Variants in COL24A1 observed in about 807,000 individuals in gnomAD.
COL24A1 encodes collagen alpha-1(XXIV) chain.
In COL24A1, 224 loss-of-function variants were observed where a neutral mutation model predicts 253.9. The observed-to-expected ratio is 0.88, with a 90% confidence interval of 0.79 to 0.99. The LOEUF is 0.99. COL24A1 is among the 50% of genes least tolerant of loss of function. COL24A1 has a pLI of 0.00. For synonymous variants in COL24A1, 685 were observed against 673.7 expected, an observed-to-expected ratio of 1.02 and a Z score of -0.26; for missense variants, 2,131 against 2,068.5, an observed-to-expected ratio of 1.03 and a Z score of -0.59.
chr1:85,825,521 C>T (rs939058394), intron 43 of COL24A1, among the ~76,000 whole-genome samples: 1 of 152,102 alleles, frequency 6.6e-6, no homozygotes, highest in Non-Finnish European at 1.5e-5. Flanking sequence ...AATGGTTGAA[C>T]TAGTTTACAG....
At chr1:85,969,446 A>G (rs1324378325) in intron 22 of COL24A1, among the ~76,000 whole-genome samples, 1 of 151,686 alleles carries the variant, frequency 6.6e-6, no homozygotes, top group Non-Finnish European at 1.5e-5. Flanking sequence ...CTCTACTAAA[A>G]ATACAAAAAT....
At chr1:85,816,375 C>T (rs1199529115) in intron 47 of COL24A1, among the ~76,000 whole-genome samples, 2 of 152,100 alleles carry the variant, frequency 1.3e-5, no homozygotes, top group Non-Finnish European at 1.5e-5. Context: ...TTGTAAAATA[C>T]TGAGGCTATA....
chr1:85,818,670 C>T (rs1312779032), intron 45 of COL24A1, among the ~76,000 whole-genome samples: 1 of 152,178 alleles, frequency 6.6e-6, no homozygotes, highest in East Asian at 1.9e-4. Flanking sequence ...ATTGATTCAG[C>T]AGTAATGGGT....
intron 5 of COL24A1, among the ~76,000 whole-genome samples, chr1:86,099,320 C>T (rs1704250112): frequency 6.6e-6 from 1 of 152,072 alleles, no homozygotes; most frequent in South Asian, 2.1e-4. Context: ...AGTAGTTTAG[C>T]TTTCCACCTT....
At chr1:86,109,028 C>T (rs1280870760) in intron 5 of COL24A1, among the ~76,000 whole-genome samples, 1 of 152,114 alleles carries the variant, frequency 6.6e-6, no homozygotes, top group Admixed American at 6.5e-5. Flanking sequence ...ATTCTGTCTC[C>T]CTGGGTCTTG....
At chr1:86,156,942 G>C (rs1232089715), upstream of COL24A1, 1 of 152,320 alleles carries the variant, frequency 6.6e-6, no homozygotes, top group Non-Finnish European at 1.5e-5. Flanking sequence ...AACTGCAGGC[G>C]CTCGGCGTTG....
chr1:86,033,559 T>C (rs986143993), intron 13 of COL24A1, among the ~76,000 whole-genome samples: 1 of 152,176 alleles, frequency 6.6e-6, no homozygotes, highest in Non-Finnish European at 1.5e-5. Flanking sequence ...AAAATTTTTA[T>C]ATAAGGCTTG....
intron 37 of COL24A1, 76 bp from the exon 38 acceptor site, chr1:85,849,482 G>A: frequency 9.6e-7 from 1 of 1,046,236 alleles, no homozygotes; most frequent in Admixed American, 1.9e-5. Flanking sequence ...ACTTCTATCA[G>A]ATAATCACTG....
At chr1:86,151,948 C>T (rs1169947245) in intron 1 of COL24A1, among the ~76,000 whole-genome samples, 1 of 152,118 alleles carries the variant, frequency 6.6e-6, no homozygotes, top group Non-Finnish European at 1.5e-5. Context: ...TGATATACAT[C>T]AATAATTTCA....
chr1:86,002,770 C>T (rs1226703312), intron 19 of COL24A1, among the ~76,000 whole-genome samples: 1 of 152,108 alleles, frequency 6.6e-6, no homozygotes, highest in African/African-American at 2.4e-5. Flanking sequence ...ATTTAGGATC[C>T]CAGTGGTTAG....
At chr1:85,981,283 T>C (rs1693233714) in intron 20 of COL24A1, among the ~76,000 whole-genome samples, 1 of 152,152 alleles carries the variant, frequency 6.6e-6, no homozygotes, top group African/African-American at 2.4e-5. Context: ...GGTACTGGTA[T>C]AAAATTAGGC....
In COL24A1 at chr1:85,784,350, G is replaced by C. The variant is rs1457084175; in HGVS notation, c.4076C>G (p.Pro1359Arg). 1.9e-6 allele frequency: 3 copies of C among 1,613,662 alleles called. No individual in the cohort carries two copies. In the African/African-American group the frequency reaches 4.0e-5, roughly 22 times the overall value. The change falls in exon 49 of 60, where the codon CCT becomes CGT. Residue 1359 changes from proline to arginine, a missense_variant. Coordinates refer to ENST00000370571, the MANE Select transcript of COL24A1 (RefSeq NM_152890.7). ...TTTACCTTGAATTCCAGGTTGACCA[G>C]GTAGCCCTTGTTCACCCTATGGGTA... is the stretch of plus-strand genomic sequence containing the variant. ...IQGPKGEQGLPGQPGIQGKRG... is the reference protein window; with the variant it reads ...IQGPKGEQGLRGQPGIQGKRG...
At chr1:86,015,883 CTTT>C (rs34005326) in intron 19 of COL24A1, among the ~76,000 whole-genome samples, 45,597 of 136,176 alleles carry the variant, frequency 0.33, 7,362 homozygotes, top group Middle Eastern at 0.53. Context: ...TCTACTTTTT[CTTT>C]TTTTTTTTTT....
chr1:85,993,441 G>GA (rs1694484814), intron 19 of COL24A1, among the ~76,000 whole-genome samples: 2 of 109,102 alleles, frequency 1.8e-5, no homozygotes. Flanking sequence ...AAAGAAGCCA[G>GA]ACAAAAAAAA....
chr1:86,099,953 T>C (rs1441795087), intron 5 of COL24A1, among the ~76,000 whole-genome samples: 1 of 152,110 alleles, frequency 6.6e-6, no homozygotes, highest in Non-Finnish European at 1.5e-5. Context: ...TTTATTATTA[T>C]TATACTTTAA....
chr1:85,875,629 A>G (rs1681063705), intron 33 of COL24A1, among the ~76,000 whole-genome samples: 1 of 151,920 alleles, frequency 6.6e-6, no homozygotes, highest in Non-Finnish European at 1.5e-5. Flanking sequence ...GCCTTCAGGA[A>G]TCTACTTACT....
intron 24 of COL24A1, among the ~76,000 whole-genome samples, chr1:85,945,000 GTGTTTTTT>G (rs1689128489): frequency 1.7e-4 from 6 of 36,128 alleles, no homozygotes; most frequent in East Asian, 1.8e-3. Flanking sequence ...GTCTATCATT[GTGTTTTTT>G]TTTTTTTTTT....
At chr1:85,886,643 C>T (rs892898417) in intron 32 of COL24A1, among the ~76,000 whole-genome samples, 6 of 151,156 alleles carry the variant, frequency 4.0e-5, no homozygotes, top group Admixed American at 6.6e-5. Flanking sequence ...CTAGCCTGGG[C>T]GACAGAGCGA....
intron 5 of COL24A1, among the ~76,000 whole-genome samples, chr1:86,103,259 T>G (rs1704635492): frequency 6.6e-6 from 1 of 152,226 alleles, no homozygotes; most frequent in African/African-American, 2.4e-5. Context: ...CTCTTTATTT[T>G]GAGCCTATGT....
Sources: allele counts gnomAD v4.1 joint callset (sites outside exome capture counted in the v4.1 genomes callset), GRCh38; gene constraint gnomAD v4.1.1; transcripts MANE v1.5; gene names NCBI Gene and HGNC (gene_info 2026-07-23, HGNC 2026-07-21).